Variants in PRKN observed in about 807,000 individuals in gnomAD.
PRKN encodes the protein E3 ubiquitin-protein ligase parkin.
PRKN carries 56 observed loss-of-function variants against 59.5 expected under a neutral mutation model. The ratio of observed to expected loss-of-function variants is 0.94; its 90% CI spans 0.76 to 1.18. The LOEUF (loss-of-function observed/expected upper bound fraction) is 1.18, where lower values mean the gene tolerates loss of function less well. Among genes scored for constraint, PRKN ranks in the 50% most tolerant of loss-of-function variants. The probability of loss-of-function intolerance (pLI) is 0.00; values close to 1 mark genes in which losing one functional copy is unlikely to be tolerated. For synonymous variants in PRKN, 250 were observed against 222.1 expected (o/e 1.13, Z -1.12); for missense variants, 657 against 596.4 (o/e 1.10, Z -1.06).
At chr6:162,265,127 A>G (rs1277833684) in intron 2 of PRKN, 1 of 152,058 alleles carries the variant, frequency 6.6e-6, no homozygotes, top group African/African-American at 2.4e-5. Flanking sequence ...AACATCTCCC[A>G]TGTTCTTCAA....
At chr6:161,909,174 T>C (rs923496603) in intron 6 of PRKN, among the ~76,000 whole-genome samples, 4 of 152,122 alleles carry the variant, frequency 2.6e-5, no homozygotes, top group African/African-American at 7.2e-5. Flanking sequence ...GAATCTCACG[T>C]TGTTAATGAG....
intron 7 of PRKN, among the ~76,000 whole-genome samples, chr6:161,771,414 T>C (rs1789690032): frequency 6.6e-6 from 1 of 150,480 alleles, no homozygotes. Context: ...ACTGCTGTGC[T>C]TGAGCCACAA....
At position 161,549,319 on chromosome 6, in the gene PRKN, T is replaced by C. The variant is rs1779916178; in HGVS notation, c.934-316A>G. Among the ~76,000 whole-genome samples, 1 of 152,238 alleles carries C rather than the reference T, an allele frequency of 6.6e-6. No homozygotes were observed. Among genetic ancestry groups the C allele is most frequent in the African/African-American group, 2.4e-5 (1 of 41,468 alleles). Reference sequence around the variant, plus strand: ...TATAAGATCGCTTCTACCAACTGTATTTTAACAATCTTATTTCATATACAT... The same window carrying C: ...TATAAGATCGCTTCTACCAACTGTACTTTAACAATCTTATTTCATATACAT... On this transcript the variant is annotated intron_variant, in intron 8 of 11. Transcript: ENST00000366898. The surrounding 1 kb of genome is among the most constrained non-coding windows in gnomAD (Gnocchi z 6.0).
At chr6:161,769,558 C>G (rs1328495776) in intron 7 of PRKN, among the ~76,000 whole-genome samples, 1 of 152,174 alleles carries the variant, frequency 6.6e-6, no homozygotes, top group Non-Finnish European at 1.5e-5. Context: ...CCTCTTTTCT[C>G]TGGTTCCTAG....
At chr6:162,243,530 T>C (rs534383024) in intron 3 of PRKN, among the ~76,000 whole-genome samples, 3 of 152,146 alleles carry the variant, frequency 2.0e-5, no homozygotes, top group Non-Finnish European at 4.4e-5. Context: ...GTGTGAAGTA[T>C]CAGTATAACA....
At chr6:162,071,540 C>A (rs982087669) in intron 4 of PRKN, among the ~76,000 whole-genome samples, 2 of 151,756 alleles carry the variant, frequency 1.3e-5, no homozygotes, top group Non-Finnish European at 2.9e-5. Flanking sequence ...AGGTCATGGG[C>A]ATGGGCAGAC....
chr6:162,371,003 A>C (rs941038145), intron 2 of PRKN, among the ~76,000 whole-genome samples: 6 of 152,232 alleles, frequency 3.9e-5, no homozygotes, highest in African/African-American at 1.4e-4. Context: ...TACTGCTATT[A>C]GCCCAATGGC....
At chr6:162,374,648 G>A (rs544733880) in intron 2 of PRKN, among the ~76,000 whole-genome samples, 29 of 151,140 alleles carry the variant, frequency 1.9e-4, no homozygotes, top group South Asian at 8.4e-4. Flanking sequence ...TTCAGTTTTC[G>A]GTCTCAGTGT....
At chr6:162,380,534 C>CACACATATATATGTGTGTATATATATAT (rs1562716854) in intron 2 of PRKN, among the ~76,000 whole-genome samples, 2 of 136,202 alleles carry the variant, frequency 1.5e-5, no homozygotes, top group South Asian at 2.3e-4. Context: ...TGTATATATA[C>CACACATATATATGTGTGTATATATATAT]ATATATATAT....
chr6:162,312,781 C>A (rs549008061), intron 2 of PRKN, among the ~76,000 whole-genome samples: 2 of 152,242 alleles, frequency 1.3e-5, no homozygotes, highest in East Asian at 3.9e-4. Context: ...CATGCCACAG[C>A]ATTTTGCATA....
At chr6:162,697,415 G>A (rs2128236182) in intron 1 of PRKN, among the ~76,000 whole-genome samples, 1 of 152,162 alleles carries the variant, frequency 6.6e-6, no homozygotes, top group Middle Eastern at 3.4e-3. Context: ...TAAACACAAA[G>A]TAACTGAGAG....
chr6:162,182,593 G>A (rs542834484), intron 4 of PRKN, among the ~76,000 whole-genome samples: 4 of 152,272 alleles, frequency 2.6e-5, no homozygotes, highest in South Asian at 2.1e-4. Context: ...AACATGGGAT[G>A]GCAAGTTACT....
At chr6:162,165,773 G>C (rs1310365296) in intron 4 of PRKN, among the ~76,000 whole-genome samples, 1 of 150,822 alleles carries the variant, frequency 6.6e-6, no homozygotes, top group Non-Finnish European at 1.5e-5. Context: ...GTGAGGCCGA[G>C]TGTGGTGGCT....
At chr6:162,566,785 A>G (rs10945845) in intron 1 of PRKN, among the ~76,000 whole-genome samples, 46,763 of 152,082 alleles carry the variant, frequency 0.31, 7,645 homozygotes, top group East Asian at 0.49. Context: ...CTTGTTCTAC[A>G]AGGCCAGTAT....
chr6:161,925,010 T>G (rs1352991710), intron 6 of PRKN, among the ~76,000 whole-genome samples: 2 of 152,078 alleles, frequency 1.3e-5, no homozygotes, highest in African/African-American at 2.4e-5. Flanking sequence ...TGTTAAGACT[T>G]GCTGGGAAAA....
Position 162,508,387 on chromosome 6 carries a change from T to C in PRKN, c.8-64914A>G, listed in dbSNP as rs1414465714. Among the ~76,000 whole-genome samples, 7 of 152,352 alleles carry C rather than the reference T, an allele frequency of 4.6e-5. No individual in the cohort carries two copies. The East Asian group carries it at 1.3e-3, about 29-fold the overall frequency. ...TGTCACATTATCTTTCTAAGCCTTA[T>C]TTATCTTGTTTAGCAAATGACATAA... is the stretch of plus-strand genomic sequence containing the variant. On this transcript the variant is annotated intron_variant, in intron 1 of 11. Transcript: ENST00000366898.
intron 2 of PRKN, among the ~76,000 whole-genome samples, chr6:162,339,531 C>T (rs576768128): frequency 0.014 from 1,718 of 122,198 alleles, 34 homozygotes; most frequent in Middle Eastern, 0.023. Context: ...GTCAGCCCCC[C>T]GCCCGGCCAG....
intron 8 of PRKN, among the ~76,000 whole-genome samples, chr6:161,559,913 C>T (rs902653878): frequency 6.6e-6 from 1 of 152,146 alleles, no homozygotes; most frequent in Admixed American, 6.5e-5. Flanking sequence ...CTGAGGAAGC[C>T]TTTTGGGGTG....
chr6:161,351,370 G>A (rs866429361), intron 11 of PRKN, among the ~76,000 whole-genome samples: 1 of 150,792 alleles, frequency 6.6e-6, no homozygotes. Flanking sequence ...TGTCGTCCAG[G>A]CTGGAGTGCA....
Sources: gnomAD v4.1 joint callset for allele counts (sites outside exome capture counted in the v4.1 genomes callset) on GRCh38, gnomAD v4.1.1 for gene constraint, Gnocchi (gnomAD v3.1) non-coding constraint, MANE v1.5 for transcripts, NCBI Gene and HGNC (gene_info 2026-07-23, HGNC 2026-07-21) for gene names.